The following CDKAL1 variants were observed in gnomAD, a reference collection of about 807,000 sequenced individuals.
CDKAL1 encodes the protein threonylcarbamoyladenosine tRNA methylthiotransferase.
A neutral mutation model predicts 68.2 loss-of-function variants in CDKAL1; 32 were observed. The observed-to-expected ratio is 0.47, with a 90% CI of 0.35 to 0.63. The LOEUF (loss-of-function observed/expected upper bound fraction) is 0.63. Ranked by LOEUF, CDKAL1 falls within the 30% of genes least tolerant of loss-of-function variation. The pLI, the probability that CDKAL1 is intolerant of heterozygous loss-of-function variation, is 0.00. For synonymous variants in CDKAL1, 234 were observed against 244.3 expected (o/e 0.96, Z 0.39); for missense variants, 606 against 696.7 (o/e 0.87, Z 1.47).
intron 10 of CDKAL1, among the ~76,000 whole-genome samples, chr6:20,983,314 T>A (rs967120998): frequency 1.7e-4 from 26 of 152,178 alleles, no homozygotes; most frequent in Non-Finnish European, 3.1e-4. Context: ...GAGACTTTTT[T>A]AAAAAACCCA....
At chr6:20,671,591 T>G (rs1769816837) in intron 5 of CDKAL1, among the ~76,000 whole-genome samples, 1 of 152,228 alleles carries the variant, frequency 6.6e-6, no homozygotes, top group Non-Finnish European at 1.5e-5. Flanking sequence ...ATAGTGACAT[T>G]TATATCTCCA....
chr6:20,546,223 T>C (rs1763596036), intron 2 of CDKAL1, 123 bp from the exon 3 acceptor site: 2 of 682,196 alleles, frequency 2.9e-6, no homozygotes, highest in Non-Finnish European at 4.9e-6. Context: ...TTGTATTTTC[T>C]ATAAATTTGA....
intron 9 of CDKAL1, among the ~76,000 whole-genome samples, chr6:20,852,117 A>G (rs1209491876): frequency 2.0e-5 from 3 of 152,164 alleles, no homozygotes; most frequent in Non-Finnish European, 4.4e-5. Flanking sequence ...GTCAACTTCC[A>G]AAAAGGATTT....
intron 10 of CDKAL1, among the ~76,000 whole-genome samples, chr6:20,965,258 G>A (rs7743030): frequency 0.4 from 59,989 of 149,938 alleles, 13,292 homozygotes; most frequent in Non-Finnish European, 0.49. Flanking sequence ...ACTGTGGTGA[G>A]CTATGATCAT....
intron 10 of CDKAL1, among the ~76,000 whole-genome samples, chr6:20,963,060 CTTT>C (rs936824777): frequency 4.6e-5 from 7 of 152,150 alleles, no homozygotes; most frequent in African/African-American, 1.4e-4. Context: ...TATACATTTT[CTTT>C]TTAAGTTTAT....
At chr6:21,195,179 T>G (rs892696984) in intron 13 of CDKAL1, among the ~76,000 whole-genome samples, 1 of 152,140 alleles carries the variant, frequency 6.6e-6, no homozygotes, top group African/African-American at 2.4e-5. Flanking sequence ...AGATTTTGTT[T>G]AGAGACAGAG....
chr6:20,573,985 T>A (rs1284803384), intron 4 of CDKAL1, among the ~76,000 whole-genome samples: 1 of 152,200 alleles, frequency 6.6e-6, no homozygotes, highest in African/African-American at 2.4e-5. Flanking sequence ...AGCTGGCTCA[T>A]ACTGGTTCAA....
At chr6:20,894,733 G>A (rs1323353427) in intron 9 of CDKAL1, among the ~76,000 whole-genome samples, 3 of 152,260 alleles carry the variant, frequency 2.0e-5, no homozygotes, top group African/African-American at 4.8e-5. Context: ...AATACAAAAT[G>A]TGGTGGCTCA....
chr6:20,898,943 T>G (rs1282839897), intron 9 of CDKAL1, among the ~76,000 whole-genome samples: 1 of 152,168 alleles, frequency 6.6e-6, no homozygotes. Flanking sequence ...AATACCACAT[T>G]TTATTTGTAT....
intron 13 of CDKAL1, among the ~76,000 whole-genome samples, chr6:21,166,402 A>G (rs1413782196): frequency 6.6e-6 from 1 of 152,202 alleles, no homozygotes; most frequent in Non-Finnish European, 1.5e-5. Flanking sequence ...TAAGGCTGGA[A>G]GAGGGAAAGG....
intron 13 of CDKAL1, among the ~76,000 whole-genome samples, chr6:21,192,836 A>T (rs1185343895): frequency 2.3e-5 from 3 of 129,232 alleles, no homozygotes; most frequent in African/African-American, 5.9e-5. Flanking sequence ...TTTTTTAGAG[A>T]TAGGATCTTT....
intron 5 of CDKAL1, among the ~76,000 whole-genome samples, chr6:20,738,538 G>T (rs1431986040): frequency 2.9e-5 from 4 of 139,160 alleles, no homozygotes; most frequent in Non-Finnish European, 6.0e-5. Flanking sequence ...GCCCAGGCTA[G>T]AATACAGTGG....
intron 7 of CDKAL1, among the ~76,000 whole-genome samples, chr6:20,761,392 T>G (rs1362844044): frequency 6.6e-6 from 1 of 152,216 alleles, no homozygotes; most frequent in East Asian, 1.9e-4. Flanking sequence ...AAACACAGTC[T>G]TACATCATCC....
At chr6:20,732,861 C>T (rs1477289204) in intron 5 of CDKAL1, among the ~76,000 whole-genome samples, 1 of 152,086 alleles carries the variant, frequency 6.6e-6, no homozygotes, top group Non-Finnish European at 1.5e-5. Context: ...ATTTCTCTTT[C>T]TATAATGAAC....
chr6:20,741,303 C>T (rs1482539965), intron 6 of CDKAL1, among the ~76,000 whole-genome samples: 3 of 151,880 alleles, frequency 2.0e-5, no homozygotes, highest in African/African-American at 7.3e-5. Flanking sequence ...CTTTGTTGTT[C>T]TGTGGTTAAC....
At chr6:20,581,657 T>G (rs1305120766) in intron 4 of CDKAL1, among the ~76,000 whole-genome samples, 1 of 152,210 alleles carries the variant, frequency 6.6e-6, no homozygotes, top group Non-Finnish European at 1.5e-5. Flanking sequence ...TTAGTAGCCT[T>G]CAGAACTGAG....
At chr6:21,085,105 G>C (rs1244418062) in intron 12 of CDKAL1, among the ~76,000 whole-genome samples, 1 of 152,144 alleles carries the variant, frequency 6.6e-6, no homozygotes, top group East Asian at 1.9e-4. Context: ...TTAGCAGCCA[G>C]AGTTATCCAG....
chr6:20,779,638 G>A lies in CDKAL1; in HGVS notation c.518-1507G>A, dbSNP rs148142627. On this transcript the variant is annotated intron_variant, in intron 7 of 15. Transcript: ENST00000274695. Reference sequence around the variant, plus strand: ...CTCGCTGTGTCACCCAGGTTGTAGCGCAGTGGCGTGATCTTGGCTCACTGC... The same window carrying A: ...CTCGCTGTGTCACCCAGGTTGTAGCACAGTGGCGTGATCTTGGCTCACTGC... 1.5e-3 allele frequency among the ~76,000 whole-genome samples: 231 copies of A among 152,278 alleles called. 4 individuals are homozygous for A. In the East Asian group the frequency reaches 0.043, roughly 28 times the overall value.
intron 4 of CDKAL1, among the ~76,000 whole-genome samples, chr6:20,592,260 G>T (rs1236888276): frequency 6.6e-6 from 1 of 152,168 alleles, no homozygotes; most frequent in Non-Finnish European, 1.5e-5. Flanking sequence ...ATCAGATTAA[G>T]AAGTTTTTGG....
Sources: gnomAD v4.1 joint callset for allele counts (sites outside exome capture counted in the v4.1 genomes callset) on GRCh38, gnomAD v4.1.1 for gene constraint, MANE v1.5 for transcripts, NCBI Gene and HGNC (gene_info 2026-07-23, HGNC 2026-07-21) for gene names.